The following KIAA0825 variants were observed in gnomAD, a reference collection of about 807,000 sequenced individuals.
KIAA0825 encodes uncharacterized protein KIAA0825.
A neutral mutation model predicts 147.6 loss-of-function variants in KIAA0825; 119 were observed. The observed-to-expected ratio is 0.81, with a 90% CI of 0.69 to 0.94. The LOEUF (loss-of-function observed/expected upper bound fraction) is 0.94. Ranked by LOEUF, KIAA0825 falls within the 40% of genes least tolerant of loss-of-function variation. KIAA0825 has a pLI of 0.00. For missense variants in KIAA0825, 1,381 were observed against 1,472.7 expected (o/e 0.94, Z 1.02); for synonymous variants, 470 against 518.1 (o/e 0.91, Z 1.26).
At chr5:94,289,403 C>T (rs1285008963) in intron 20 of KIAA0825, among the ~76,000 whole-genome samples, 4 of 151,718 alleles carry the variant, frequency 2.6e-5, no homozygotes, top group Admixed American at 6.6e-5. Context: ...GGCATGGTGG[C>T]GGACACCTGT....
intron 2 of KIAA0825, among the ~76,000 whole-genome samples, chr5:94,546,918 A>G (rs1042823688): frequency 1.3e-5 from 2 of 151,758 alleles, no homozygotes; most frequent in Admixed American, 1.3e-4. Flanking sequence ...GTGACATTTC[A>G]GAGAATTTAA....
intron 7 of KIAA0825, among the ~76,000 whole-genome samples, chr5:94,476,307 T>C (rs1761887818): frequency 6.6e-6 from 1 of 152,186 alleles, no homozygotes; most frequent in African/African-American, 2.4e-5. Flanking sequence ...AAACATGGAC[T>C]GTGAAGCAGG....
At chr5:94,563,357 C>CA (rs35396980) in intron 2 of KIAA0825, among the ~76,000 whole-genome samples, 249 of 131,246 alleles carry the variant, frequency 1.9e-3, no homozygotes, top group South Asian at 6.7e-3. Flanking sequence ...GACTCCGTCT[C>CA]AAAAAAAAAA....
At chr5:94,330,654 A>C (rs977970034) in intron 20 of KIAA0825, among the ~76,000 whole-genome samples, 5 of 152,148 alleles carry the variant, frequency 3.3e-5, no homozygotes, top group African/African-American at 1.2e-4. Context: ...ATAAGAAATT[A>C]GAAAAAAGCA....
At chr5:94,246,252 C>T (rs548233852) in intron 20 of KIAA0825, among the ~76,000 whole-genome samples, 1 of 152,264 alleles carries the variant, frequency 6.6e-6, no homozygotes, top group East Asian at 1.9e-4. Context: ...TGAACAAGAG[C>T]TTCTCTTTGT....
intron 20 of KIAA0825, among the ~76,000 whole-genome samples, chr5:94,377,672 A>C (rs969307552): frequency 1.3e-5 from 2 of 152,068 alleles, no homozygotes; most frequent in Non-Finnish European, 2.9e-5. Context: ...AAGGTGTAGA[A>C]CTGATATATA....
intron 20 of KIAA0825, among the ~76,000 whole-genome samples, chr5:94,345,746 C>T (rs1305593069): frequency 6.6e-6 from 1 of 151,778 alleles, no homozygotes; most frequent in Non-Finnish European, 1.5e-5. Flanking sequence ...CAGACAAAAC[C>T]CCTCAGACAC....
At chr5:94,313,175 A>G (rs1779333861) in intron 20 of KIAA0825, among the ~76,000 whole-genome samples, 1 of 151,636 alleles carries the variant, frequency 6.6e-6, no homozygotes, top group Admixed American at 6.6e-5. Context: ...ATCTTTAAAT[A>G]CTGGTAATTA....
At chr5:94,547,822 GA>G (rs974691636) in intron 2 of KIAA0825, among the ~76,000 whole-genome samples, 2 of 151,288 alleles carry the variant, frequency 1.3e-5, no homozygotes, top group African/African-American at 4.9e-5. Flanking sequence ...AGCAGACTTT[GA>G]AACCTTACAA....
intron 1 of KIAA0825, among the ~76,000 whole-genome samples, chr5:94,583,972 A>G (rs1782754523): frequency 6.6e-6 from 1 of 152,168 alleles, no homozygotes; most frequent in Admixed American, 6.5e-5. Context: ...AAACTAACAA[A>G]CAGAAAGGAA....
chr5:94,506,581 A>C (rs1378320884), intron 5 of KIAA0825, among the ~76,000 whole-genome samples: 3 of 152,236 alleles, frequency 2.0e-5, no homozygotes, highest in African/African-American at 7.2e-5. Context: ...AAAGGAAGTG[A>C]TTACAAAAGG....
intron 20 of KIAA0825, among the ~76,000 whole-genome samples, chr5:94,345,964 A>G (rs1028234269): frequency 6.6e-6 from 1 of 152,168 alleles, no homozygotes; most frequent in Non-Finnish European, 1.5e-5. Context: ...AGAACAGAAC[A>G]GGGCAGGGAT....
At chr5:94,489,531 T>A (rs1167046162) in intron 5 of KIAA0825, among the ~76,000 whole-genome samples, 2 of 145,104 alleles carry the variant, frequency 1.4e-5, no homozygotes, top group Non-Finnish European at 3.0e-5. Context: ...GTCTCAGAAG[T>A]CAACCAAAAA....
rs571308066 is a variant in KIAA0825 at position 94,303,431 on chromosome 5, T to C, written c.3710+80937A>G. 6.6e-5 allele frequency among the ~76,000 whole-genome samples: 10 copies of C among 152,150 alleles called. No homozygotes were observed. The South Asian group carries it at 2.1e-3, about 32-fold the overall frequency. ...TGAAAAAGAAACAAACCACCACCCT[T>C]TTAAAAAATAAACAAATTGCTAGCT... On this transcript the variant is annotated intron_variant, in intron 20 of 20. Transcript: ENST00000682413.
At chr5:94,523,808 C>A in intron 4 of KIAA0825, 122 bp downstream of exon 4, 1 of 543,786 alleles carries the variant, frequency 1.8e-6, no homozygotes, top group Admixed American at 3.9e-5. Context: ...CATAAAAACA[C>A]AAACCCCTAT....
intron 16 of KIAA0825, among the ~76,000 whole-genome samples, chr5:94,400,139 G>A (rs1400687073): frequency 2.0e-5 from 3 of 152,024 alleles, no homozygotes; most frequent in Non-Finnish European, 2.9e-5. Flanking sequence ...GTTAACTACC[G>A]AATAGGTGAA....
rs1749928265 is a variant in KIAA0825, at chr5:94,391,761, G to A, written c.3297-67C>T. The A allele has an allele frequency of 8.7e-6, 11 of 1,261,792 alleles. No individual in the cohort carries two copies. The East Asian group carries it at 2.3e-4, about 27-fold the overall frequency. 78.2% of individuals were successfully genotyped at this position (1,261,792 alleles called of 1,614,324 possible). A position where few individuals can be genotyped will look rare whatever the true frequency, so the allele number is the denominator to read the frequency against. On this transcript the variant is annotated intron_variant, in intron 17 of 20. Coordinates refer to ENST00000682413, the MANE Select transcript of KIAA0825 (RefSeq NM_001145678.3). ...TGTAAAGATGGAGAGTAATCATGGA[G>A]ATGGAGTGTGGAGAGTTGATGTAAA...
intron 17 of KIAA0825, among the ~76,000 whole-genome samples, chr5:94,395,080 G>T (rs559778209): frequency 6.6e-6 from 1 of 152,256 alleles, no homozygotes; most frequent in African/African-American, 2.4e-5. Flanking sequence ...TTGATGCTAA[G>T]AACTCCATGA....
intron 20 of KIAA0825, among the ~76,000 whole-genome samples, chr5:94,274,189 A>G (rs1777113692): frequency 6.6e-6 from 1 of 152,148 alleles, no homozygotes; most frequent in South Asian, 2.1e-4. Flanking sequence ...GGCATACATA[A>G]CATAATGGGG....
Sources: gnomAD v4.1 joint callset for allele counts (sites outside exome capture counted in the v4.1 genomes callset) on GRCh38, gnomAD v4.1.1 for gene constraint, MANE v1.5 for transcripts, NCBI Gene and HGNC (gene_info 2026-07-23, HGNC 2026-07-21) for gene names.